Variants in PREX1 observed in about 807,000 individuals in gnomAD.
PREX1 encodes the protein phosphatidylinositol 3,4,5-trisphosphate-dependent Rac exchanger 1 protein.
PREX1 carries 41 observed loss-of-function variants against 198.3 expected under a neutral mutation model. That is an observed-to-expected ratio of 0.21 (90% CI 0.16 to 0.27). The LOEUF (loss-of-function observed/expected upper bound fraction) is 0.27, where lower values mean the gene tolerates loss of function less well. Ranked by LOEUF, PREX1 falls within the 10% of genes least tolerant of loss-of-function variation. PREX1 has a pLI of 1.00. For missense variants in PREX1, 1,620 were observed against 2,200.7 expected (o/e 0.74, Z 5.28); for synonymous variants, 843 against 887.2 (o/e 0.95, Z 0.89).
chr20:48,870,289 G>A, the PREX1 span, among the ~76,000 whole-genome samples: 1 of 152,056 alleles, frequency 6.6e-6, no homozygotes, highest in Non-Finnish European at 1.5e-5. Flanking sequence ...AATAATGTGC[G>A]ATACAAACAA....
Position 48,827,798 on chromosome 20 carries a change from G to A in PREX1, c.63C>T (p.Asp21=). Residue 21 remains aspartate, a synonymous_variant, in exon 1 of 40, where the codon GAC becomes GAT. Transcript: ENST00000371941. The surrounding 1 kb of genome is among the most constrained non-coding windows in gnomAD (Gnocchi z 4.1). Reference sequence around the variant, plus strand: ...GCGCCGCGGCGCCAGGGGCCCGGGGGTCCGGGTGGGCGCAGTCCCCGGCCC... The same window carrying A: ...GCGCCGCGGCGCCAGGGGCCCGGGGATCCGGGTGGGCGCAGTCCCCGGCCC... The part of the protein sequence containing the change: ...GDGAGDCAHP[D]PRAPGAAAPS... The A allele has an allele frequency of 8.3e-6, 9 of 1,083,836 alleles. No individual in the cohort carries two copies. Among genetic ancestry groups the A allele is most frequent in the Non-Finnish European group, 1.0e-5 (9 of 888,196 alleles). 67.1% of individuals were successfully genotyped at this position (1,083,836 alleles called of 1,614,324 possible).
chr20:48,812,508 G>A (rs1476863228), intron 1 of PREX1, among the ~76,000 whole-genome samples: 1 of 151,656 alleles, frequency 6.6e-6, no homozygotes, highest in Non-Finnish European at 1.5e-5. Context: ...AATAATATAA[G>A]AGGAATGGGT....
chr20:48,826,772 T>C (rs1054627700), intron 1 of PREX1, among the ~76,000 whole-genome samples: 7 of 152,096 alleles, frequency 4.6e-5, no homozygotes, highest in Non-Finnish European at 2.9e-5. Flanking sequence ...GGCAAGAGAA[T>C]TGCTTGAACC....
At chr20:48,708,501 G>A in intron 5 of PREX1, 80 bp from the exon 6 acceptor site, 1 of 1,471,262 alleles carries the variant, frequency 6.8e-7, no homozygotes. Flanking sequence ...CTGAACCCAA[G>A]AAAACAGACA....
rs2090010720 is a variant in PREX1, at chr20:48,726,449, C to T, written c.520-58G>A. The T allele has an allele frequency of 2.4e-6, 3 of 1,244,788 alleles. No individual in the cohort carries two copies. In the South Asian group the frequency reaches 3.7e-5, roughly 16 times the overall value. The allele number at this position is 1,244,788 out of a possible 1,614,324, so 77.1% of individuals were successfully genotyped here. A position where few individuals can be genotyped will look rare whatever the true frequency, so the allele number is the denominator to read the frequency against. Reference sequence around the variant, plus strand: ...ACCAAGGATAGCACAGGGACATAGCCACCCTCAACCATGAGAAACGCTCTC... The same window carrying T: ...ACCAAGGATAGCACAGGGACATAGCTACCCTCAACCATGAGAAACGCTCTC... On this transcript the variant is annotated intron_variant, in intron 4 of 39. Coordinates refer to ENST00000371941, the MANE Select transcript of PREX1 (RefSeq NM_020820.4).
At chr20:48,653,778 T>TC (rs1277013217) in intron 19 of PREX1, among the ~76,000 whole-genome samples, 1 of 152,174 alleles carries the variant, frequency 6.6e-6, no homozygotes, top group African/African-American at 2.4e-5. Flanking sequence ...TAGAACCTCG[T>TC]CTCCTTTAAA....
intron 1 of PREX1, among the ~76,000 whole-genome samples, chr20:48,779,689 C>A (rs1424541681): frequency 6.6e-6 from 1 of 152,150 alleles, no homozygotes; most frequent in African/African-American, 2.4e-5. Context: ...ACTGTTGATA[C>A]ACACAACAAT....
chr20:48,659,142 G>T (rs2089568949), intron 16 of PREX1, among the ~76,000 whole-genome samples: 1 of 140,222 alleles, frequency 7.1e-6, no homozygotes, highest in Non-Finnish European at 1.5e-5. Flanking sequence ...GGAGAGGAGA[G>T]AGGAGAGAGG....
Position 48,639,840 on chromosome 20 carries a change from C to T in PREX1, c.3830G>A (p.Ser1277Asn). 6.2e-7 allele frequency: 1 copy of T among 1,614,038 alleles called. No individual in the cohort carries two copies. Among genetic ancestry groups the T allele is most frequent in the Non-Finnish European group, 8.5e-7 (1 of 1,179,946 alleles). ...TIRGRSLIQI[S>N]IQEDPWNLPN... ...GAGGTTCCAGGGGTCCTCCTGGATGCTAATCTGGATCAGGCTCCGGCCACG... is the reference window on the plus strand; with the variant it reads ...GAGGTTCCAGGGGTCCTCCTGGATGTTAATCTGGATCAGGCTCCGGCCACG... Residue 1277 changes from serine (S) to asparagine (N), a missense_variant, in exon 30 of 40, where the codon AGC (serine) becomes AAC (asparagine). Ser to Asn is a conservative substitution (Grantham distance 46). Coordinates refer to ENST00000371941, the MANE Select transcript of PREX1 (RefSeq NM_020820.4).
the PREX1 span, among the ~76,000 whole-genome samples, chr20:48,835,981 A>G: frequency 3.9e-5 from 6 of 152,228 alleles, no homozygotes; most frequent in South Asian, 1.2e-3. Flanking sequence ...AGATGGAGCC[A>G]GCAGGATTTG....
At chr20:48,887,006 G>T in the PREX1 span, among the ~76,000 whole-genome samples, 1 of 152,196 alleles carries the variant, frequency 6.6e-6, no homozygotes, top group Admixed American at 6.5e-5. Flanking sequence ...ATCGGAGGTA[G>T]GTAGGGCAGG....
At chr20:48,840,355 G>GAA in the PREX1 span, among the ~76,000 whole-genome samples, 1 of 137,460 alleles carries the variant, frequency 7.3e-6, no homozygotes, top group Non-Finnish European at 1.6e-5. Context: ...AAAAAAAAAA[G>GAA]AAAAAAAAAA....
the PREX1 span, among the ~76,000 whole-genome samples, chr20:48,872,315 T>C: frequency 6.6e-6 from 1 of 152,098 alleles, no homozygotes. Flanking sequence ...TACGTATAAG[T>C]TGAATATACA....
chr20:48,819,483 C>T lies in PREX1; in HGVS notation c.219+8159G>A, dbSNP rs142643705. 7.5e-4 allele frequency among the ~76,000 whole-genome samples: 115 copies of T among 152,334 alleles called. 2 individuals are homozygous for T. In the South Asian group the frequency reaches 0.018, roughly 23 times the overall value. On this transcript the variant is annotated intron_variant, in intron 1 of 39. Coordinates refer to ENST00000371941, the MANE Select transcript of PREX1 (RefSeq NM_020820.4). ...CCCATCTAAAGTAGATGCGACCATC[C>T]CTGTCACAAACATCACCTCATTTTA...
chr20:48,670,429 C>T (rs1257823428), intron 14 of PREX1, among the ~76,000 whole-genome samples: 1 of 152,196 alleles, frequency 6.6e-6, no homozygotes, highest in Non-Finnish European at 1.5e-5. Context: ...GATCTGTGCC[C>T]GCCCCACACC....
In PREX1 at chr20:48,684,354, G is replaced by A. The variant is rs2089772178; in HGVS notation, c.1335-3019C>T. ...GGGTAGGGACTGGGGGGTACCCAGT[G>A]GAATACCCATCCCTGTGACTCCACG... On this transcript the variant is annotated intron_variant, in intron 10 of 39. Coordinates refer to ENST00000371941, the MANE Select transcript of PREX1 (RefSeq NM_020820.4). This position sits in a 1 kb window ranked among gnomAD's most constrained non-coding sequence, Gnocchi z 4.2. Among the ~76,000 whole-genome samples, 1 of 152,058 alleles carries A rather than the reference G, an allele frequency of 6.6e-6. No individual in the cohort carries two copies. The highest frequency in any genetic ancestry group is 1.5e-5 in the Non-Finnish European group (1 of 68,004).
chr20:48,716,606 T>C (rs6012521), intron 5 of PREX1, among the ~76,000 whole-genome samples: 51,404 of 151,936 alleles, frequency 0.34, 12,275 homozygotes, highest in African/African-American at 0.68. Context: ...GCTGCAGAGG[T>C]CTACTGCTTC....
Position 48,663,910 on chromosome 20 carries a change from G to GCACACA in PREX1, c.1738+2367_1738+2372dup, listed in dbSNP as rs11472118. On this transcript the variant is annotated intron_variant, in intron 15 of 39. Transcript: ENST00000371941. The stretch of plus-strand genomic sequence containing the variant: ...CACACACATACAAGTGTGAGTGCGC[G>GCACACA]CACACACACACACACACACGGGACT... Among the ~76,000 whole-genome samples, 723 of 150,120 alleles carry GCACACA rather than the reference G, an allele frequency of 4.8e-3. 5 individuals are homozygous for GCACACA. The highest frequency in any genetic ancestry group is 0.017 in the African/African-American group (685 of 41,082).
chr20:48,763,464 G>C (rs1402998631), intron 1 of PREX1, among the ~76,000 whole-genome samples: 1 of 152,226 alleles, frequency 6.6e-6, no homozygotes, highest in African/African-American at 2.4e-5. Context: ...CCTTGTGCCT[G>C]TCTGCAGCAG....
Sources: allele counts gnomAD v4.1 joint callset (sites outside exome capture counted in the v4.1 genomes callset), GRCh38; gene constraint gnomAD v4.1.1; non-coding constraint Gnocchi (gnomAD v3.1); transcripts MANE v1.5; gene names NCBI Gene and HGNC (gene_info 2026-07-23, HGNC 2026-07-21).